LAMP2: variants seen among roughly 807,000 people sequenced by gnomAD.
LAMP2 encodes lysosome-associated membrane glycoprotein 2.
LAMP2 carries 4 observed loss-of-function variants against 25.6 expected under a neutral mutation model. The ratio of observed to expected loss-of-function variants is 0.16; its 90% confidence interval spans 0.08 to 0.36. LAMP2 has a LOEUF of 0.36. Among genes scored for constraint, LAMP2 ranks in the 10% least tolerant of loss-of-function variants. The pLI, the probability that LAMP2 is intolerant of heterozygous loss-of-function variation, is 1.00. For missense variants in LAMP2, 272 were observed against 301.4 expected (o/e 0.90, Z 0.72); for synonymous variants, 108 against 112.7 (o/e 0.96, Z 0.27).
Position 120,441,821 on chromosome X carries a change from C to G in LAMP2, c.1002G>C (p.Glu334Asp), listed in dbSNP as rs2058573541. The change falls in exon 8 of 9, where the codon GAG becomes GAC. Residue 334 changes from glutamate to aspartate, a missense_variant. Physicochemically the swap from Glu to Asp is conservative, Grantham distance 45. Coordinates refer to ENST00000200639, the MANE Select transcript of LAMP2 (RefSeq NM_002294.3). ...PLGSSYMCNK[E>D]QTVSVSGAFQ... is the part of the protein sequence containing the mutation. ...ATGCTCCAGACACTGAAACAGTCTG[C>G]TCTTTGTTGCACATATAAGAACTTC... is the stretch of plus-strand genomic sequence containing the variant. 8.3e-7 allele frequency: 1 copy of G among 1,205,244 alleles called. No individual in the cohort carries two copies. The highest frequency in any genetic ancestry group is 1.7e-5 in the African/African-American group (1 of 57,205).
At chrX:120,467,807 G>C (rs1921603720) in intron 1 of LAMP2, among the ~76,000 whole-genome samples, 1 of 112,084 alleles carries the variant, frequency 8.9e-6, no homozygotes. Context: ...TTGTCGCCCA[G>C]GCTGGAGTGC....
chrX:120,466,082 T>A (rs1405420048), intron 1 of LAMP2, among the ~76,000 whole-genome samples: 1 of 111,664 alleles, frequency 9.0e-6, no homozygotes, highest in African/African-American at 3.3e-5. Context: ...TGCTCTGAAC[T>A]TGGAGGCGGA....
Position 120,447,990 on chromosome X carries a change from C to T in LAMP2, c.592G>A (p.Ala198Thr). The T allele has an allele frequency of 1.7e-6, 2 of 1,210,424 alleles. No homozygotes were observed. The highest frequency in any genetic ancestry group is 2.2e-6 in the Non-Finnish European group (2 of 894,843). ...GGCACAGTGGTGTGTATGGTGGGTG[C>T]CACTGTTGAAGTTTTGTCTTTATCA... Reference protein sequence around the residue: ...LCDKDKTSTVAPTIHTTVPSP... With the variant: ...LCDKDKTSTVTPTIHTTVPSP... Residue 198 changes from alanine (A) to threonine (T), a missense_variant, in exon 5 of 9, where the codon GCA (alanine) becomes ACA (threonine). Physicochemically the swap from Ala to Thr is moderately conservative, Grantham distance 58. Transcript: ENST00000200639.
chrX:120,468,172 A>C (rs1921621112), intron 1 of LAMP2, among the ~76,000 whole-genome samples: 1 of 111,610 alleles, frequency 9.0e-6, no homozygotes, highest in Admixed American at 9.5e-5. Flanking sequence ...GTGATGGGGA[A>C]GAAAGAAAAG....
At chrX:120,448,518 CTCT>C (rs1234393470) in intron 4 of LAMP2, among the ~76,000 whole-genome samples, 2 of 112,906 alleles carry the variant, frequency 1.8e-5, no homozygotes, top group Non-Finnish European at 3.7e-5. Flanking sequence ...GCATTTCAAC[CTCT>C]TCTTGGGAAG....
chrX:120,447,635 G>A (rs1262762868), intron 5 of LAMP2, among the ~76,000 whole-genome samples: 6 of 107,487 alleles, frequency 5.6e-5, no homozygotes, highest in Non-Finnish European at 9.6e-5. Flanking sequence ...GCGTGAACCC[G>A]GGAGGCGGAG....
intron 8 of LAMP2, among the ~76,000 whole-genome samples, chrX:120,434,566 T>C (rs1164180141): frequency 8.9e-6 from 1 of 112,150 alleles, no homozygotes; most frequent in Non-Finnish European, 1.9e-5. Context: ...ACTTGCCTAA[T>C]GTATACTTAA....
chrX:120,447,960 G>A lies in LAMP2; in HGVS notation c.622C>T (p.Pro208Ser). The A allele has an allele frequency of 1.7e-6, 2 of 1,210,318 alleles. No individual in the cohort carries two copies. Among genetic ancestry groups the A allele is most frequent in the Non-Finnish European group, 2.2e-6 (2 of 894,323 alleles). ...APTIHTTVPS[P>S]TTTPTPKEKP... The stretch of plus-strand genomic sequence containing the variant: ...TCCTTTGGAGTAGGTGTTGTAGTAG[G>A]AGATGGCACAGTGGTGTGTATGGTG... The change falls in exon 5 of 9, where the codon CCT becomes TCT. Residue 208 changes from proline (P) to serine (S), a missense_variant. Pro to Ser is a moderately conservative substitution (Grantham distance 74). Coordinates refer to ENST00000200639, the MANE Select transcript of LAMP2 (RefSeq NM_002294.3).
intron 6 of LAMP2, among the ~76,000 whole-genome samples, chrX:120,443,889 G>A (rs951824214): frequency 9.0e-6 from 1 of 110,902 alleles, no homozygotes; most frequent in East Asian, 2.8e-4. Context: ...GCTGAGGCAG[G>A]AGAATCGCTT....
At chrX:120,453,075 C>T (rs2058629337) in intron 3 of LAMP2, among the ~76,000 whole-genome samples, 1 of 110,983 alleles carries the variant, frequency 9.0e-6, no homozygotes, top group African/African-American at 3.3e-5. Flanking sequence ...CCATGTAACT[C>T]GGGAATAGCA....
At chrX:120,469,011 C>T in intron 1 of LAMP2, 95 bp downstream of exon 1, 1 of 989,825 alleles carries the variant, frequency 1.0e-6, no homozygotes, top group Non-Finnish European at 1.4e-6. Flanking sequence ...AGCCTCTCAA[C>T]CCCCTCCCCC....
intron 3 of LAMP2, among the ~76,000 whole-genome samples, chrX:120,453,883 T>A (rs1407500710): frequency 1.8e-5 from 2 of 112,541 alleles, no homozygotes; most frequent in Non-Finnish European, 3.8e-5. Context: ...GTTCTGGGAA[T>A]TACTAGAATG....
chrX:120,466,879 G>A (rs1032626312), intron 1 of LAMP2, among the ~76,000 whole-genome samples: 2 of 94,966 alleles, frequency 2.1e-5, no homozygotes, highest in African/African-American at 7.9e-5. Context: ...TTTCGCTCAT[G>A]TTGCCCAGGC....
In LAMP2 at chrX:120,428,863, T is replaced by G. The variant is rs10127182; in HGVS notation, c.*2460A>C. 29 of 749,180 alleles carry G rather than the reference T, an allele frequency of 3.9e-5. No individual in the cohort carries two copies. The highest frequency in any genetic ancestry group is 4.4e-5 in the Non-Finnish European group (28 of 637,422). The allele number at this position is 749,180 out of a possible 1,213,427, so 61.7% of individuals were successfully genotyped here. On this transcript the variant is annotated 3_prime_UTR_variant, in exon 9 of 9. Transcript: ENST00000200639. ...AATGGGAAGGGTCCAAAATAGAGAA[T>G]TGCGCTTGCCTAATATGGGAAGACT...
chrX:120,462,149 T>C (rs1010615310), intron 1 of LAMP2, among the ~76,000 whole-genome samples: 3 of 111,573 alleles, frequency 2.7e-5, no homozygotes, highest in Admixed American at 1.9e-4. Context: ...GAAAAAGGTA[T>C]GCCTCAAAAT....
chrX:120,440,294 T>C (rs1021131467), intron 8 of LAMP2, among the ~76,000 whole-genome samples: 18 of 111,884 alleles, frequency 1.6e-4, no homozygotes, highest in African/African-American at 5.5e-4. Flanking sequence ...GCATTTCTTA[T>C]CTGGTCAGGG....
rs778330920 is a variant in LAMP2 at position 120,429,175 on chromosome X, T to TATACAC, written c.*2147_*2148insGTGTAT. The TATACAC allele has an allele frequency of 2.8e-6, 2 of 715,794 alleles. No homozygotes were observed. The highest frequency in any genetic ancestry group is 5.7e-5 in the African/African-American group (2 of 35,375). 59.0% of individuals were successfully genotyped at this position (715,794 alleles called of 1,213,427 possible). Reference sequence around the variant, plus strand: ...GTGTGTGTGTACATATATATATATATACACACACACACAATTATTTTTAGC... The same window carrying TATACAC: ...GTGTGTGTGTACATATATATATATATATACACACACACACACACAATTATTTTTAGC... On this transcript the variant is annotated 3_prime_UTR_variant, in exon 9 of 9. Coordinates refer to ENST00000200639, the MANE Select transcript of LAMP2 (RefSeq NM_002294.3).
rs751184166 is a variant in LAMP2 at position 120,438,355 on chromosome X, T to C, written c.1093+3375A>G. On this transcript the variant is annotated intron_variant, in intron 8 of 8. Coordinates refer to ENST00000200639, the MANE Select transcript of LAMP2 (RefSeq NM_002294.3). ...GAGCACAAAGTACTAATGCCCTCAATTGGCACTGGCAAGCAATTATCTCTA... is the reference window on the plus strand; with the variant it reads ...GAGCACAAAGTACTAATGCCCTCAACTGGCACTGGCAAGCAATTATCTCTA... 5 of 751,682 alleles carry C rather than the reference T, an allele frequency of 6.7e-6. No homozygotes were observed. In the African/African-American group the frequency reaches 9.3e-5, roughly 14 times the overall value. The allele number at this position is 751,682 out of a possible 1,213,427, so 61.9% of individuals were successfully genotyped here.
intron 8 of LAMP2, chrX:120,438,345 A>T (rs904645894): frequency 8.4e-5 from 63 of 752,177 alleles, no homozygotes; most frequent in Admixed American, 8.8e-5. Flanking sequence ...CAAAGTACTA[A>T]TGCCCTCAAT....
Sources: gnomAD v4.1 joint callset for allele counts (sites outside exome capture counted in the v4.1 genomes callset) on GRCh38, gnomAD v4.1.1 for gene constraint, MANE v1.5 for transcripts, NCBI Gene and HGNC (gene_info 2026-07-23, HGNC 2026-07-21) for gene names.